ALDOB: variants seen among roughly 807,000 people sequenced by gnomAD.
ALDOB encodes the protein aldolase, fructose-bisphosphate B.
ALDOB carries 39 observed loss-of-function variants against 41.0 expected under a neutral mutation model. The ratio of observed to expected loss-of-function variants is 0.95; its 90% CI spans 0.74 to 1.24. ALDOB has a LOEUF of 1.24. ALDOB is among the 50% of genes most tolerant of loss of function. ALDOB has a pLI of 0.00. For synonymous variants in ALDOB, 175 were observed against 168.8 expected (o/e 1.04, Z -0.28); for missense variants, 530 against 457.3 (o/e 1.16, Z -1.45).
intron 1 of ALDOB, among the ~76,000 whole-genome samples, chr9:101,432,637 A>C (rs1349264102): frequency 1.3e-5 from 2 of 152,246 alleles, no homozygotes; most frequent in Non-Finnish European, 2.9e-5. Context: ...CTTTACATGC[A>C]CTATATAATT....
chr9:101,430,094 T>C (rs944504721), intron 2 of ALDOB, 128 bp from the exon 3 acceptor site: 4 of 883,652 alleles, frequency 4.5e-6, no homozygotes, highest in Non-Finnish European at 7.4e-6. Flanking sequence ...TAGTCAAAGC[T>C]CCTGCTTCAA....
intron 7 of ALDOB, 98 bp from the exon 8 acceptor site, chr9:101,425,140 C>G: frequency 2.9e-6 from 4 of 1,363,610 alleles, no homozygotes; most frequent in Non-Finnish European, 4.1e-6. Flanking sequence ...ATGTCTCAGT[C>G]TTTTCTCTGC....
intron 1 of ALDOB, 139 bp downstream of exon 1, chr9:101,435,570 G>A (rs889334773): frequency 1.3e-5 from 2 of 152,150 alleles, no homozygotes; most frequent in Admixed American, 1.3e-4. Flanking sequence ...TCCAAGCAGA[G>A]CCATCATGTT....
In ALDOB at chr9:101,421,887, G is replaced by A. The variant is rs1194552507; in HGVS notation, c.1017C>T (p.Ala339=). The A allele has an allele frequency of 1.2e-6, 2 of 1,613,832 alleles. No homozygotes were observed. Among genetic ancestry groups the A allele is most frequent in the East Asian group, 2.2e-5 (1 of 44,884 alleles). The change falls in exon 9 of 9, where the codon GCC becomes GCT. Residue 339 remains alanine (A), a synonymous_variant. Transcript: ENST00000647789. ...AACCCGTGTGAACATACTGTCCTTT[G>A]GCCGCCTGGCAGTTAGCCTAGAAGA... ...MKRAMANCQA[A]KGQYVHTGSS...
intron 6 of ALDOB, among the ~76,000 whole-genome samples, chr9:101,426,212 A>G (rs1381510497): frequency 6.6e-6 from 1 of 152,194 alleles, no homozygotes; most frequent in Non-Finnish European, 1.5e-5. Flanking sequence ...AGTACTTTCT[A>G]ATTACATCTT....
At position 101,421,574 on chromosome 9, in the gene ALDOB, G is replaced by T; in HGVS notation, c.*235C>A. ...CTTGGGTGGGTATTCTGGAGCATGGGGAGCTGAAAGTGTTGCAAGGAAACT... is the reference window on the plus strand; with the variant it reads ...CTTGGGTGGGTATTCTGGAGCATGGTGAGCTGAAAGTGTTGCAAGGAAACT... On this transcript the variant is annotated 3_prime_UTR_variant, in exon 9 of 9. Coordinates refer to ENST00000647789, the MANE Select transcript of ALDOB (RefSeq NM_000035.4). 1.7e-6 allele frequency: 1 copy of T among 576,152 alleles called. No homozygotes were observed. Among genetic ancestry groups the T allele is most frequent in the South Asian group, 1.9e-5 (1 of 52,800 alleles). 35.7% of individuals were successfully genotyped at this position (576,152 alleles called of 1,614,324 possible). A position where few individuals can be genotyped will look rare whatever the true frequency, so the allele number is the denominator to read the frequency against.
intron 2 of ALDOB, among the ~76,000 whole-genome samples, chr9:101,430,238 C>G (rs1831197888): frequency 6.6e-6 from 1 of 152,116 alleles, no homozygotes; most frequent in African/African-American, 2.4e-5. Context: ...TCAGGCCTCT[C>G]TAGCCTCCCT....
intron 3 of ALDOB, among the ~76,000 whole-genome samples, chr9:101,428,820 G>C (rs1180497359): frequency 6.6e-6 from 1 of 152,194 alleles, no homozygotes; most frequent in Admixed American, 6.5e-5. Flanking sequence ...CAAAAGTCAT[G>C]AGCTTGAGAA....
At chr9:101,422,954 A>G (rs79496348) in intron 8 of ALDOB, among the ~76,000 whole-genome samples, 12,038 of 152,192 alleles carry the variant, frequency 0.079, 539 homozygotes, top group Middle Eastern at 0.16. Context: ...TCAGATCCAC[A>G]CTGGAGCTTG....
intron 1 of ALDOB, among the ~76,000 whole-genome samples, chr9:101,431,324 G>C (rs913457844): frequency 2.0e-5 from 3 of 152,188 alleles, no homozygotes; most frequent in Non-Finnish European, 2.9e-5. Context: ...GTTATCCTCT[G>C]CTTTGCTCTG....
In ALDOB at chr9:101,423,207, G is replaced by A. The variant is rs916115556; in HGVS notation, c.1000-1303C>T. Among the ~76,000 whole-genome samples, 7 of 152,112 alleles carry A rather than the reference G, an allele frequency of 4.6e-5. No individual in the cohort carries two copies. In the East Asian group the frequency reaches 9.7e-4, roughly 21 times the overall value. On this transcript the variant is annotated intron_variant, in intron 8 of 8. Coordinates refer to ENST00000647789, the MANE Select transcript of ALDOB (RefSeq NM_000035.4). Reference sequence around the variant, plus strand: ...CCCTGGGGCCTTCCTTCCCTTTAGGGCCTCATCACCACACTTCTGACTACT... The same window carrying A: ...CCCTGGGGCCTTCCTTCCCTTTAGGACCTCATCACCACACTTCTGACTACT...
chr9:101,424,814 C>G, intron 8 of ALDOB, 29 bp downstream of exon 8: 1 of 1,611,296 alleles, frequency 6.2e-7, no homozygotes, highest in Non-Finnish European at 8.5e-7. Context: ...TGAACATCAT[C>G]AAGTAGATAA....
At chr9:101,427,760 T>C (rs1252247615) in intron 4 of ALDOB, 118 bp from the exon 5 acceptor site, 3 of 1,244,134 alleles carry the variant, frequency 2.4e-6, no homozygotes, top group African/African-American at 1.5e-5. Context: ...TGCTTGAGGA[T>C]TGAAAACAGC....
intron 2 of ALDOB, 118 bp from the exon 3 acceptor site, chr9:101,430,084 T>C (rs1463484401): frequency 2.0e-5 from 19 of 939,632 alleles, no homozygotes; most frequent in East Asian, 2.5e-5. Flanking sequence ...TTTTTTCAGA[T>C]AGTCAAAGCT....
chr9:101,427,379 G>A (rs949531155), intron 5 of ALDOB, 103 bp downstream of exon 5: 3 of 1,418,192 alleles, frequency 2.1e-6, no homozygotes, highest in African/African-American at 2.8e-5. Context: ...ATATACTGGT[G>A]AGGGAAAAGG....
chr9:101,432,322 T>C (rs1831231084), intron 1 of ALDOB, among the ~76,000 whole-genome samples: 2 of 152,212 alleles, frequency 1.3e-5, no homozygotes, highest in South Asian at 2.1e-4. Context: ...GATGACCTTC[T>C]AAGGCCCATT....
At chr9:101,433,464 G>A (rs1038633247) in intron 1 of ALDOB, among the ~76,000 whole-genome samples, 1 of 152,184 alleles carries the variant, frequency 6.6e-6, no homozygotes, top group African/African-American at 2.4e-5. Context: ...TTCACCACAA[G>A]GAGACAGGAG....
Position 101,427,616 on chromosome 9 carries a change from C to T in ALDOB, c.406G>A (p.Ala136Thr), listed in dbSNP as rs1815148332. ...QGLDGLSERC[A>T]QYKKDGVDFG... is the part of the protein sequence containing the mutation. ...TCAACACCATCTTTCTTGTACTGAG[C>T]ACAGCGCTCTGAGAGGCCATCAAGC... The change falls in exon 5 of 9, where the codon GCT (alanine) becomes ACT (threonine). Residue 136 changes from alanine to threonine, a missense_variant. By Grantham distance (58) the Ala-to-Thr change is moderately conservative (BLOSUM62 0). Coordinates refer to ENST00000647789, the MANE Select transcript of ALDOB (RefSeq NM_000035.4). 1.9e-6 allele frequency: 3 copies of T among 1,613,968 alleles called. No individual in the cohort carries two copies. The highest frequency in any genetic ancestry group is 2.5e-6 in the Non-Finnish European group (3 of 1,180,028).
At position 101,421,704 on chromosome 9, in the gene ALDOB, G is replaced by A. The variant is rs1400494604; in HGVS notation, c.*105C>T. On this transcript the variant is annotated 3_prime_UTR_variant, in exon 9 of 9. Coordinates refer to ENST00000647789, the MANE Select transcript of ALDOB (RefSeq NM_000035.4). The stretch of plus-strand genomic sequence containing the variant: ...AGATTTAACATGTGTTGTATTTCCA[G>A]CAGTTCAAATCTAATTGTGTCGAAT... The A allele has an allele frequency of 2.3e-6, 2 of 863,232 alleles. No homozygotes were observed. Among genetic ancestry groups the A allele is most frequent in the East Asian group, 2.5e-5 (1 of 40,220 alleles). The allele number at this position is 863,232 out of a possible 1,614,324, so 53.5% of individuals were successfully genotyped here.
Sources: gnomAD v4.1 joint callset for allele counts (sites outside exome capture counted in the v4.1 genomes callset) on GRCh38, gnomAD v4.1.1 for gene constraint, MANE v1.5 for transcripts, NCBI Gene and HGNC (gene_info 2026-07-23, HGNC 2026-07-21) for gene names.